The following COBLL1 variants were observed in gnomAD, a reference collection of about 807,000 sequenced individuals.
COBLL1 encodes cordon-bleu WH2 repeat protein like 1, also known as cordon-bleu protein-like 1.
A neutral mutation model predicts 94.8 loss-of-function variants in COBLL1; 50 were observed. The observed-to-expected ratio is 0.53, with a 90% CI of 0.42 to 0.67. The LOEUF (loss-of-function observed/expected upper bound fraction) is 0.67. Among genes scored for constraint, COBLL1 ranks in the 30% least tolerant of loss-of-function variants. The pLI, the probability that COBLL1 is intolerant of heterozygous loss-of-function variation, is 0.00. For synonymous variants in COBLL1, 448 were observed against 473.8 expected, an observed-to-expected ratio of 0.95 and a Z score of 0.71; for missense variants, 1,362 against 1,348.7, an observed-to-expected ratio of 1.01 and a Z score of -0.15.
intron 2 of COBLL1, among the ~76,000 whole-genome samples, chr2:164,766,119 C>T (rs943974156): frequency 6.6e-6 from 1 of 152,148 alleles, no homozygotes; most frequent in African/African-American, 2.4e-5. Flanking sequence ...AGCATATATC[C>T]ATACTTAGTT....
At chr2:164,816,977 A>C (rs1433266379) in intron 2 of COBLL1, among the ~76,000 whole-genome samples, 1 of 152,172 alleles carries the variant, frequency 6.6e-6, no homozygotes, top group Non-Finnish European at 1.5e-5. Flanking sequence ...CCAGGAGGAA[A>C]AGGTCAGGAA....
chr2:164,694,657 G>A lies in COBLL1; in HGVS notation c.2735C>T (p.Pro912Leu), dbSNP rs756503869. The change falls in exon 12 of 14, where the codon CCG becomes CTG. Residue 912 changes from proline to leucine, a missense_variant. Transcript: ENST00000652658. Reference protein sequence around the residue: ...KEAERDMLPSPEQTLSPLSKM... With the variant: ...KEAERDMLPSLEQTLSPLSKM... Reference sequence around the variant, plus strand: ...ACTTAAGGGAGAAAGAGTCTGCTCCGGAGAAGGCAGCATATCCCTTTCTGC... The same window carrying A: ...ACTTAAGGGAGAAAGAGTCTGCTCCAGAGAAGGCAGCATATCCCTTTCTGC... The A allele has an allele frequency of 7.5e-5, 121 of 1,613,616 alleles. No homozygotes were observed. Among genetic ancestry groups the A allele is most frequent in the Middle Eastern group, 3.3e-4 (2 of 6,082 alleles).
At chr2:164,756,206 C>T (rs16849699) in intron 2 of COBLL1, among the ~76,000 whole-genome samples, 5,716 of 152,094 alleles carry the variant, frequency 0.038, 264 homozygotes, top group East Asian at 0.25. Flanking sequence ...GTAACTTTTC[C>T]TGAAGCAACT....
chr2:164,754,546 G>A (rs900268348), intron 2 of COBLL1, among the ~76,000 whole-genome samples: 1 of 152,124 alleles, frequency 6.6e-6, no homozygotes, highest in African/African-American at 2.4e-5. Flanking sequence ...AAAGACTTGA[G>A]CCCCAGCCTA....
chr2:164,763,759 G>C (rs1384633930), intron 2 of COBLL1, among the ~76,000 whole-genome samples: 2 of 151,966 alleles, frequency 1.3e-5, no homozygotes, highest in African/African-American at 4.8e-5. Context: ...GGTTCTATAT[G>C]GAATATAATA....
Position 164,795,518 on chromosome 2 carries a change from T to C in COBLL1, c.41+45638A>G, listed in dbSNP as rs1165959021. 2.0e-5 allele frequency among the ~76,000 whole-genome samples: 3 copies of C among 152,144 alleles called. No homozygotes were observed. The East Asian group carries it at 5.8e-4, about 29-fold the overall frequency. On this transcript the variant is annotated intron_variant, in intron 2 of 13. Transcript: ENST00000652658. Reference sequence around the variant, plus strand: ...TTTTCTTACTCCCAGAGTATCTAGATTGACCAATGACCCGCTCCCAGTTAA... The same window carrying C: ...TTTTCTTACTCCCAGAGTATCTAGACTGACCAATGACCCGCTCCCAGTTAA...
At chr2:164,824,539 C>A (rs536433680) in intron 2 of COBLL1, among the ~76,000 whole-genome samples, 2 of 152,202 alleles carry the variant, frequency 1.3e-5, no homozygotes, top group Admixed American at 1.3e-4. Flanking sequence ...CCATTATGCA[C>A]GTTCACATAT....
In COBLL1 at chr2:164,707,946, C is replaced by T. The variant is rs116701782; in HGVS notation, c.997-2841G>A. On this transcript the variant is annotated intron_variant, in intron 7 of 13. Coordinates refer to ENST00000652658, the MANE Select transcript of COBLL1 (RefSeq NM_001365672.2). ...CCTGCCAGAGAGAAAGGGAAGCCTGCCCCCAAAGAAAAGGGTTTGAGTTAG... is the reference window on the plus strand; with the variant it reads ...CCTGCCAGAGAGAAAGGGAAGCCTGTCCCCAAAGAAAAGGGTTTGAGTTAG... Among the ~76,000 whole-genome samples the T allele has an allele frequency of 5.9e-3, 905 of 152,200 alleles. 8 individuals carry two copies. The highest frequency in any genetic ancestry group is 0.021 in the African/African-American group (873 of 41,544).
chr2:164,824,246 T>A (rs1450367991), intron 2 of COBLL1, among the ~76,000 whole-genome samples: 2 of 151,970 alleles, frequency 1.3e-5, no homozygotes, highest in African/African-American at 4.8e-5. Context: ...CTGGGCATGG[T>A]GGTGTATGCC....
chr2:164,727,289 G>C (rs2105512755), intron 5 of COBLL1: 1 of 438,894 alleles, frequency 2.3e-6, no homozygotes, highest in Non-Finnish European at 4.1e-6. Flanking sequence ...TCTATGCAAA[G>C]AGTATGTAAA....
At chr2:164,792,295 A>AT (rs549956035) in intron 2 of COBLL1, among the ~76,000 whole-genome samples, 8 of 151,686 alleles carry the variant, frequency 5.3e-5, no homozygotes, top group East Asian at 3.9e-4. Context: ...CACCTGGCTA[A>AT]TTTTTTTATT....
rs1683264309 is a variant in COBLL1, at chr2:164,686,010, A to G, written c.3323T>C (p.Ile1108Thr). The change falls in exon 14 of 14, where the codon ATA becomes ACA. Residue 1108 changes from isoleucine to threonine, a missense_variant. Transcript: ENST00000652658. ...LKRVTIPSNT[I>T]SVNGRSRLSH... The stretch of plus-strand genomic sequence containing the variant: ...GAGTCTTGACCTTCCATTCACAGAT[A>G]TTGTATTTGATGGAATGGTAACCTA... 3 of 1,600,992 alleles carry G rather than the reference A, an allele frequency of 1.9e-6. No homozygotes were observed. Among genetic ancestry groups the G allele is most frequent in the Non-Finnish European group, 1.7e-6 (2 of 1,171,240 alleles).
At position 164,841,352 on chromosome 2, in the gene COBLL1, C is replaced by T. The variant is rs1683603182; in HGVS notation, c.-50-106G>A. The T allele has an allele frequency of 7.5e-6, 9 of 1,194,392 alleles. No individual in the cohort carries two copies. The highest frequency in any genetic ancestry group is 9.3e-6 in the Non-Finnish European group (9 of 964,172). The allele number at this position is 1,194,392 out of a possible 1,614,324, so 74.0% of individuals were successfully genotyped here. On this transcript the variant is annotated intron_variant, in intron 1 of 13. Transcript: ENST00000652658. The surrounding 1 kb of genome is among the most constrained non-coding windows in gnomAD (Gnocchi z 5.5). The stretch of plus-strand genomic sequence containing the variant: ...CCCGCCCGAGCCGCTCCAGCCCCGG[C>T]CGGCCCGCCTCCCGGGTGCGCTTCC...
At chr2:164,659,363 C>T (rs1691034139) in intron 2 of COBLL1, among the ~76,000 whole-genome samples, 2 of 152,148 alleles carry the variant, frequency 1.3e-5, no homozygotes, top group East Asian at 1.9e-4. Flanking sequence ...AAGGTCCCCT[C>T]GAGTGGCATA....
intron 3 of COBLL1, among the ~76,000 whole-genome samples, chr2:164,740,908 G>A (rs566338030): frequency 1.1e-4 from 16 of 152,188 alleles, no homozygotes; most frequent in South Asian, 2.1e-4. Context: ...GTTCATAAAC[G>A]TATTGAGGTG....
rs545556646 is a variant in COBLL1 at position 164,795,589 on chromosome 2, T to G, written c.41+45567A>C. Among the ~76,000 whole-genome samples the G allele has an allele frequency of 8.5e-5, 13 of 152,282 alleles. No individual in the cohort carries two copies. The East Asian group carries it at 2.3e-3, about 27-fold the overall frequency. ...TAAGCTATGTCTTCATCACAACTTC[T>G]TACAGGCTTTAAAAGTCTACATGTA... is the stretch of plus-strand genomic sequence containing the variant. On this transcript the variant is annotated intron_variant, in intron 2 of 13. Coordinates refer to ENST00000652658, the MANE Select transcript of COBLL1 (RefSeq NM_001365672.2).
intron 2 of COBLL1, among the ~76,000 whole-genome samples, chr2:164,821,563 A>G (rs1312680805): frequency 3.9e-5 from 6 of 152,192 alleles, no homozygotes; most frequent in Non-Finnish European, 7.3e-5. Flanking sequence ...CAAAATTAAA[A>G]CTATCTTCTT....
chr2:164,658,273 A>C (rs1411110862), intron 2 of COBLL1, among the ~76,000 whole-genome samples: 2 of 152,076 alleles, frequency 1.3e-5, no homozygotes, highest in Non-Finnish European at 2.9e-5. Flanking sequence ...GGAAAACCCA[A>C]GTGCTTTTGG....
intron 2 of COBLL1, among the ~76,000 whole-genome samples, chr2:164,805,364 A>ATATATATATATATATAT (rs1253271541): frequency 4.9e-5 from 2 of 41,090 alleles, no homozygotes; most frequent in Non-Finnish European, 8.8e-5. Flanking sequence ...TATATATATA[A>ATATATATATATATATAT]AACTAAAGTT....
Sources: allele counts gnomAD v4.1 joint callset (sites outside exome capture counted in the v4.1 genomes callset), GRCh38; gene constraint gnomAD v4.1.1; non-coding constraint Gnocchi (gnomAD v3.1); transcripts MANE v1.5; gene names NCBI Gene and HGNC (gene_info 2026-07-23, HGNC 2026-07-21).